Variants in KCNS3 observed in about 807,000 individuals in gnomAD.
The protein encoded by KCNS3 is potassium voltage-gated channel modifier subfamily S member 3, also known as delayed-rectifier potassium channel regulatory subunit KCNS3.
Under a neutral mutation model 31.0 loss-of-function variants are expected in KCNS3, and 13 were observed. The observed-to-expected ratio is 0.42, with a 90% CI of 0.27 to 0.67. The LOEUF is 0.67. KCNS3 is among the 30% of genes least tolerant of loss of function. KCNS3 has a pLI of 0.25. For missense variants in KCNS3, 545 were observed against 622.4 expected (o/e 0.88, Z 1.32); for synonymous variants, 238 against 241.5 (o/e 0.99, Z 0.13).
Position 17,932,329 on chromosome 2 carries a change from A to T in KCNS3, c.1321A>T (p.Arg441Trp). The T allele has an allele frequency of 1.2e-6, 2 of 1,614,104 alleles. No homozygotes were observed. The highest frequency in any genetic ancestry group is 1.3e-5 in the African/African-American group (1 of 75,036). Residue 441 changes from arginine (R) to tryptophan (W), a missense_variant, in exon 3 of 3, where the codon AGG (arginine) becomes TGG (tryptophan). Coordinates refer to ENST00000304101, the MANE Select transcript of KCNS3 (RefSeq NM_002252.5). The part of the protein sequence containing the change: ...KCHELPYFNI[R>W]DIYAQRMHTF... ...TCATGAGCTACCTTACTTTAACATT[A>T]GGGATATATATGCACAGCGGATGCA...
rs560159386 is a variant in KCNS3 at position 17,910,056 on chromosome 2, G to A, written c.-251-7624G>A. On this transcript the variant is annotated intron_variant, in intron 1 of 2. Transcript: ENST00000304101. ...CCTATGGACCCCTTTTCAGAATAGC[G>A]TGTTTAAACACAAAAGATGAAACCT... Among the ~76,000 whole-genome samples, 15 of 152,258 alleles carry A rather than the reference G, an allele frequency of 9.9e-5. No homozygotes were observed. In the South Asian group the frequency reaches 1.7e-3, roughly 17 times the overall value.
chr2:17,914,588 ATTTACTC>A (rs1233990719), intron 1 of KCNS3, among the ~76,000 whole-genome samples: 1 of 152,108 alleles, frequency 6.6e-6, no homozygotes, highest in Non-Finnish European at 1.5e-5. Flanking sequence ...CTTTTCATTA[ATTTACTC>A]TTTAGTCTTG....
intron 1 of KCNS3, among the ~76,000 whole-genome samples, chr2:17,913,258 G>A (rs867148568): frequency 4.8e-4 from 73 of 152,262 alleles, no homozygotes; most frequent in Middle Eastern, 6.8e-3. Flanking sequence ...TAGGTCTGTC[G>A]TTGATGTATG....
At chr2:17,922,761 C>A (rs1340239992) in intron 2 of KCNS3, among the ~76,000 whole-genome samples, 1 of 150,922 alleles carries the variant, frequency 6.6e-6, no homozygotes, top group Non-Finnish European at 1.5e-5. Flanking sequence ...AATATATGAT[C>A]TTTTATTGTC....
At chr2:17,880,238 C>T (rs1674614487) in intron 1 of KCNS3, among the ~76,000 whole-genome samples, 1 of 152,192 alleles carries the variant, frequency 6.6e-6, no homozygotes, top group Admixed American at 6.5e-5. Context: ...GATTCTCTAG[C>T]TGAACTTGGT....
chr2:17,882,754 C>A (rs1041952502), intron 1 of KCNS3, among the ~76,000 whole-genome samples: 1 of 152,148 alleles, frequency 6.6e-6, no homozygotes, highest in African/African-American at 2.4e-5. Flanking sequence ...AATAACAAGG[C>A]TTAAAATGTA....
intron 1 of KCNS3, among the ~76,000 whole-genome samples, chr2:17,898,407 C>T (rs1016532244): frequency 4.6e-5 from 7 of 152,040 alleles, no homozygotes; most frequent in African/African-American, 1.7e-4. Flanking sequence ...GTTGTATGAC[C>T]ATTTTAATGA....
intron 1 of KCNS3, among the ~76,000 whole-genome samples, chr2:17,898,592 A>G (rs922456220): frequency 6.6e-6 from 1 of 152,148 alleles, no homozygotes; most frequent in African/African-American, 2.4e-5. Flanking sequence ...CTTGTGTCCA[A>G]AGAACCCTAA....
intron 1 of KCNS3, among the ~76,000 whole-genome samples, chr2:17,897,558 G>T (rs1372432212): frequency 6.6e-6 from 1 of 152,166 alleles, no homozygotes; most frequent in African/African-American, 2.4e-5. Flanking sequence ...CGGTGATGAT[G>T]AGCATTTTTT....
intron 1 of KCNS3, among the ~76,000 whole-genome samples, chr2:17,916,508 A>G (rs766588474): frequency 1.5e-4 from 23 of 152,156 alleles, no homozygotes; most frequent in Non-Finnish European, 2.9e-4. Flanking sequence ...GTGGAGCTGC[A>G]TTTGGCTTCT....
intron 1 of KCNS3, among the ~76,000 whole-genome samples, chr2:17,900,021 A>G (rs1016384263): frequency 6.6e-6 from 1 of 152,150 alleles, no homozygotes; most frequent in South Asian, 2.1e-4. Context: ...TATGGGGCTC[A>G]TTGGAGAGCG....
At chr2:17,908,613 A>G (rs928699498) in intron 1 of KCNS3, among the ~76,000 whole-genome samples, 17 of 152,114 alleles carry the variant, frequency 1.1e-4, no homozygotes, top group Non-Finnish European at 2.5e-4. Context: ...GGTCTTTGAT[A>G]ATGGTGACGT....
chr2:17,917,964 AAGTT>A (rs762559983), intron 2 of KCNS3, 93 bp downstream of exon 2: 8 of 152,674 alleles, frequency 5.2e-5, no homozygotes, highest in Non-Finnish European at 1.2e-4. Flanking sequence ...AGAAAGATGA[AAGTT>A]AGACACTTCT....
chr2:17,915,540 G>C (rs1258370938), intron 1 of KCNS3, among the ~76,000 whole-genome samples: 1 of 152,142 alleles, frequency 6.6e-6, no homozygotes, highest in Non-Finnish European at 1.5e-5. Flanking sequence ...ATCTACCTGA[G>C]TTTAACTCCT....
chr2:17,900,546 G>A (rs1400937531), intron 1 of KCNS3, among the ~76,000 whole-genome samples: 1 of 152,110 alleles, frequency 6.6e-6, no homozygotes, highest in African/African-American at 2.4e-5. Context: ...CTGGAGTGCA[G>A]TGACGTGATT....
intron 1 of KCNS3, among the ~76,000 whole-genome samples, chr2:17,904,292 T>A (rs1662260865): frequency 1.4e-5 from 2 of 146,594 alleles, no homozygotes; most frequent in African/African-American, 5.0e-5. Context: ...CTTCGCCCAC[T>A]TGTTGATGGG....
At chr2:17,900,427 C>A (rs957942672) in intron 1 of KCNS3, among the ~76,000 whole-genome samples, 4 of 151,972 alleles carry the variant, frequency 2.6e-5, no homozygotes, top group African/African-American at 9.7e-5. Flanking sequence ...ACATTCTGAG[C>A]AGACCAAACA....
At chr2:17,906,798 G>T (rs763414454) in intron 1 of KCNS3, among the ~76,000 whole-genome samples, 12 of 152,186 alleles carry the variant, frequency 7.9e-5, no homozygotes, top group Non-Finnish European at 1.5e-4. Context: ...CTGAGTTCTA[G>T]TTTGATTGCA....
chr2:17,892,840 G>A (rs1841654), intron 1 of KCNS3, among the ~76,000 whole-genome samples: 49,957 of 152,008 alleles, frequency 0.33, 8,875 homozygotes, highest in East Asian at 0.57. Flanking sequence ...TGGAGGTAGC[G>A]GAGGGTGCAA....
Sources: allele counts gnomAD v4.1 joint callset (sites outside exome capture counted in the v4.1 genomes callset), GRCh38; gene constraint gnomAD v4.1.1; transcripts MANE v1.5; gene names NCBI Gene and HGNC (gene_info 2026-07-23, HGNC 2026-07-21).